Variants in FBXL17 observed in about 807,000 individuals in gnomAD.
FBXL17 encodes the protein F-box/LRR-repeat protein 17.
In FBXL17, 22 loss-of-function variants were observed where a neutral mutation model predicts 66.2. The ratio of observed to expected loss-of-function variants is 0.33; its 90% CI spans 0.24 to 0.47. The LOEUF is 0.47. FBXL17 is among the 20% of genes least tolerant of loss of function. The pLI, the probability that FBXL17 is intolerant of heterozygous loss-of-function variation, is 1.00. For synonymous variants in FBXL17, 474 were observed against 400.5 expected (o/e 1.18, Z -2.19); for missense variants, 878 against 948.2 (o/e 0.93, Z 0.97).
chr5:108,298,475 C>T, intron 4 of FBXL17: 1 of 971,982 alleles, frequency 1.0e-6, no homozygotes, highest in Middle Eastern at 5.3e-4. Context: ...TTACTGAAAG[C>T]ATCTAAAGCC....
intron 6 of FBXL17, among the ~76,000 whole-genome samples, chr5:108,135,444 C>T (rs1751096310): frequency 6.6e-6 from 1 of 152,070 alleles, no homozygotes. Context: ...GAGAAACCAC[C>T]TTAACTAATA....
At chr5:108,133,346 AT>A (rs1751009773) in intron 6 of FBXL17, among the ~76,000 whole-genome samples, 2 of 152,152 alleles carry the variant, frequency 1.3e-5, no homozygotes, top group Admixed American at 1.3e-4. Flanking sequence ...TGAATGAGAT[AT>A]TAGTACACTG....
chr5:107,892,239 G>A (rs1165730263), intron 7 of FBXL17, among the ~76,000 whole-genome samples: 3 of 151,986 alleles, frequency 2.0e-5, no homozygotes, highest in East Asian at 1.9e-4. Flanking sequence ...ATAAGCTAGG[G>A]GCTGTCTATG....
chr5:108,155,161 T>A lies in FBXL17; in HGVS notation c.1745+30956A>T, dbSNP rs139546662. 4.1e-3 allele frequency among the ~76,000 whole-genome samples: 623 copies of A among 152,106 alleles called. 2 individuals are homozygous for A. Among genetic ancestry groups the A allele is most frequent in the African/African-American group, 0.014 (594 of 41,498 alleles). On this transcript the variant is annotated intron_variant, in intron 6 of 8. Transcript: ENST00000542267. ...GTGAAGTTTCTTGGACAGAAAAAAC[T>A]GAGATATTATAATACATACAGCAGG...
At chr5:108,262,090 T>TTTA (rs1561494084) in intron 4 of FBXL17, among the ~76,000 whole-genome samples, 79 of 149,628 alleles carry the variant, frequency 5.3e-4, no homozygotes, top group African/African-American at 1.9e-3. Context: ...TTATTTATTT[T>TTTA]TTTTGAGACA....
chr5:108,301,501 A>G (rs1340020366), intron 4 of FBXL17, among the ~76,000 whole-genome samples: 1 of 151,806 alleles, frequency 6.6e-6, no homozygotes, highest in Non-Finnish European at 1.5e-5. Flanking sequence ...CTAATGGGGA[A>G]AAAAAGTAAA....
At chr5:108,125,005 C>G (rs891152157) in intron 6 of FBXL17, among the ~76,000 whole-genome samples, 50 of 152,056 alleles carry the variant, frequency 3.3e-4, no homozygotes, top group African/African-American at 1.1e-3. Context: ...TAAACCATCC[C>G]TGAAATTATC....
intron 6 of FBXL17, among the ~76,000 whole-genome samples, chr5:108,150,649 G>C (rs910985602): frequency 6.6e-6 from 1 of 152,082 alleles, no homozygotes; most frequent in African/African-American, 2.4e-5. Flanking sequence ...TTGTCTTGTG[G>C]GACATCCATA....
Position 108,053,786 on chromosome 5 carries a change from A to G in FBXL17, c.1746-32785T>C, listed in dbSNP as rs11957554. Among the ~76,000 whole-genome samples the G allele has an allele frequency of 7.8e-3, 1,188 of 152,334 alleles. 16 individuals carry two copies. The highest frequency in any genetic ancestry group is 0.027 in the African/African-American group (1,125 of 41,578). ...GTATATACCCAAAGGAATATACATC[A>G]TTCTACTATAAAGGTACATGCACAT... On this transcript the variant is annotated intron_variant, in intron 6 of 8. Coordinates refer to ENST00000542267, the MANE Select transcript of FBXL17 (RefSeq NM_001163315.3).
chr5:108,232,804 T>A (rs56169102), intron 4 of FBXL17, among the ~76,000 whole-genome samples: 2,348 of 112,016 alleles, frequency 0.021, 230 homozygotes, highest in African/African-American at 0.089. Context: ...TATATATATA[T>A]AATATATACT....
intron 6 of FBXL17, among the ~76,000 whole-genome samples, chr5:108,114,371 T>C (rs1353262031): frequency 6.9e-6 from 1 of 145,390 alleles, no homozygotes; most frequent in South Asian, 2.4e-4. Flanking sequence ...AAATTCAGTA[T>C]GACATCAAGC....
chr5:108,293,087 C>CAAAAAAAAACA (rs1561511075), intron 4 of FBXL17, among the ~76,000 whole-genome samples: 8 of 116,440 alleles, frequency 6.9e-5, no homozygotes, highest in African/African-American at 6.6e-5. Context: ...GACTCTGTCT[C>CAAAAAAAAACA]AAAAAAAAAA....
chr5:107,963,214 G>A (rs1229420928), intron 7 of FBXL17, among the ~76,000 whole-genome samples: 1 of 152,132 alleles, frequency 6.6e-6, no homozygotes, highest in Non-Finnish European at 1.5e-5. Context: ...AGAAGCCCAT[G>A]GCTCTGATAC....
chr5:108,285,780 C>T lies in FBXL17; in HGVS notation c.1507-61552G>A, dbSNP rs77174777. On this transcript the variant is annotated intron_variant, in intron 4 of 8. Coordinates refer to ENST00000542267, the MANE Select transcript of FBXL17 (RefSeq NM_001163315.3). ...TACAAACAGTGGACTTTACAATAAC[C>T]ATAACATATATAATAATAATGGAAA... Among the ~76,000 whole-genome samples, 615 of 150,932 alleles carry T rather than the reference C, an allele frequency of 4.1e-3. 4 individuals carry two copies. Among genetic ancestry groups the T allele is most frequent in the African/African-American group, 0.014 (589 of 41,204 alleles).
At chr5:107,881,291 G>T in intron 7 of FBXL17, 112 bp from the exon 8 acceptor site, 1 of 627,846 alleles carries the variant, frequency 1.6e-6, no homozygotes, top group South Asian at 3.8e-5. Context: ...AATTTTGTGT[G>T]TAAATGAACG....
chr5:108,272,806 T>A (rs879485680), intron 4 of FBXL17, among the ~76,000 whole-genome samples: 2 of 152,190 alleles, frequency 1.3e-5, no homozygotes, highest in African/African-American at 2.4e-5. Context: ...TGAATACAGC[T>A]ACAGCAAAAT....
At chr5:108,091,501 T>G (rs1196612962) in intron 6 of FBXL17, among the ~76,000 whole-genome samples, 2 of 152,256 alleles carry the variant, frequency 1.3e-5, no homozygotes, top group African/African-American at 4.8e-5. Flanking sequence ...ACCACCCATT[T>G]GGGTACTTTA....
At chr5:108,086,856 C>T (rs1329613219) in intron 6 of FBXL17, among the ~76,000 whole-genome samples, 1 of 152,044 alleles carries the variant, frequency 6.6e-6, no homozygotes, top group Admixed American at 6.6e-5. Flanking sequence ...CTACCGCACC[C>T]CGCCAGCTGT....
chr5:108,279,779 GA>G (rs1459391461), intron 4 of FBXL17, among the ~76,000 whole-genome samples: 1 of 151,424 alleles, frequency 6.6e-6, no homozygotes, highest in Admixed American at 6.6e-5. Flanking sequence ...ATCTTTGGGG[GA>G]AAAAAGCAAA....
Sources: allele counts gnomAD v4.1 joint callset (sites outside exome capture counted in the v4.1 genomes callset), GRCh38; gene constraint gnomAD v4.1.1; transcripts MANE v1.5; gene names NCBI Gene and HGNC (gene_info 2026-07-23, HGNC 2026-07-21).